Variants in KCNB2 observed in about 807,000 individuals in gnomAD.
KCNB2 encodes delayed rectifier potassium channel protein.
In KCNB2, 15 loss-of-function variants were observed where a neutral mutation model predicts 61.5. The observed-to-expected ratio is 0.24, with a 90% CI of 0.16 to 0.38. The LOEUF (loss-of-function observed/expected upper bound fraction) is 0.38, where lower values mean the gene tolerates loss of function less well. Ranked by LOEUF, KCNB2 falls within the 10% of genes least tolerant of loss-of-function variation. The pLI is 1.00. For missense variants in KCNB2, 828 were observed against 1,125.2 expected (o/e 0.74, Z 3.78); for synonymous variants, 457 against 446.0 (o/e 1.02, Z -0.31).
intron 2 of KCNB2, among the ~76,000 whole-genome samples, chr8:72,776,199 A>C (rs1483277336): frequency 1.4e-5 from 2 of 145,366 alleles, no homozygotes; most frequent in African/African-American, 5.0e-5. Flanking sequence ...GGAATTGAAC[A>C]ATGAGAACAC....
intron 2 of KCNB2, among the ~76,000 whole-genome samples, chr8:72,733,554 A>G (rs1807786265): frequency 1.3e-5 from 2 of 152,214 alleles, no homozygotes; most frequent in Non-Finnish European, 2.9e-5. Flanking sequence ...TCTGTAAAGC[A>G]GGGATTATAA....
chr8:72,647,794 C>G (rs1307629002), intron 2 of KCNB2, among the ~76,000 whole-genome samples: 3 of 152,144 alleles, frequency 2.0e-5, no homozygotes, highest in African/African-American at 4.8e-5. Flanking sequence ...TGTCAATTAT[C>G]TAAGTTAGGA....
intron 2 of KCNB2, among the ~76,000 whole-genome samples, chr8:72,801,122 T>G (rs754028907): frequency 6.6e-6 from 1 of 152,204 alleles, no homozygotes; most frequent in Non-Finnish European, 1.5e-5. Flanking sequence ...TAAACCCCTG[T>G]TAGACCTTGA....
chr8:72,865,399 T>C (rs1805500588), intron 2 of KCNB2, among the ~76,000 whole-genome samples: 2 of 152,132 alleles, frequency 1.3e-5, no homozygotes, highest in African/African-American at 4.8e-5. Flanking sequence ...TTATTGTTCT[T>C]TTCCGTTCTT....
At chr8:72,769,929 T>G (rs1045952212) in intron 2 of KCNB2, among the ~76,000 whole-genome samples, 4 of 152,288 alleles carry the variant, frequency 2.6e-5, no homozygotes, top group Admixed American at 6.5e-5. Flanking sequence ...TTAGGAAATC[T>G]TCCACCCTAA....
intron 2 of KCNB2, among the ~76,000 whole-genome samples, chr8:72,673,877 T>C (rs1172308659): frequency 6.6e-6 from 1 of 152,230 alleles, no homozygotes; most frequent in East Asian, 1.9e-4. Flanking sequence ...GTGATCTTGA[T>C]TTCACAACAA....
intron 2 of KCNB2, among the ~76,000 whole-genome samples, chr8:72,698,294 A>G (rs1807052200): frequency 6.6e-6 from 1 of 152,032 alleles, no homozygotes; most frequent in African/African-American, 2.4e-5. Flanking sequence ...ACAAATACCT[A>G]GGAATACATG....
rs1021364465 is a variant in KCNB2, at chr8:72,670,192, C to T, written c.579+101879C>T. Among the ~76,000 whole-genome samples, 81 of 152,202 alleles carry T rather than the reference C, an allele frequency of 5.3e-4. 1 individual carries two copies. The highest frequency in any genetic ancestry group is 8.3e-4 in the South Asian group (4 of 4,834). ...AGATTCAATTGTGCTCAACCACCCA[C>T]GTGAACAATTCAACCTCATCAAAGG... On this transcript the variant is annotated intron_variant, in intron 2 of 2. Coordinates refer to ENST00000523207, the MANE Select transcript of KCNB2 (RefSeq NM_004770.3).
intron 2 of KCNB2, among the ~76,000 whole-genome samples, chr8:72,706,981 C>A (rs1034630257): frequency 1.3e-5 from 2 of 152,208 alleles, no homozygotes; most frequent in African/African-American, 4.8e-5. Context: ...AGCTCTGGGA[C>A]TTCTTTGTTA....
At chr8:72,848,397 CTTTGT>C (rs1463331535) in intron 2 of KCNB2, among the ~76,000 whole-genome samples, 1 of 151,728 alleles carries the variant, frequency 6.6e-6, no homozygotes, top group Non-Finnish European at 1.5e-5. Flanking sequence ...CTACTTTTTT[CTTTGT>C]TTTGTTTTGT....
intron 2 of KCNB2, among the ~76,000 whole-genome samples, chr8:72,867,164 C>T (rs1026223988): frequency 1.3e-5 from 2 of 151,970 alleles, no homozygotes; most frequent in South Asian, 4.2e-4. Context: ...TTATAACCTT[C>T]TTAATTTTCC....
At chr8:72,608,268 G>A (rs1278007093) in intron 2 of KCNB2, among the ~76,000 whole-genome samples, 1 of 152,136 alleles carries the variant, frequency 6.6e-6, no homozygotes, top group Non-Finnish European at 1.5e-5. Context: ...GGAATAGGGA[G>A]GTGAGAGTGG....
intron 2 of KCNB2, among the ~76,000 whole-genome samples, chr8:72,614,068 C>T (rs144040774): frequency 4.5e-4 from 69 of 152,204 alleles, no homozygotes; most frequent in African/African-American, 1.5e-3. Context: ...GATGAGGAAA[C>T]GTAGCTAGTC....
intron 1 of KCNB2, among the ~76,000 whole-genome samples, chr8:72,546,423 C>T (rs1468737141): frequency 6.6e-6 from 1 of 151,284 alleles, no homozygotes; most frequent in Non-Finnish European, 1.5e-5. Flanking sequence ...GAGGCTGAGG[C>T]AGAGAATTGC....
intron 1 of KCNB2, among the ~76,000 whole-genome samples, chr8:72,548,146 C>T (rs1806288070): frequency 6.6e-6 from 1 of 152,088 alleles, no homozygotes; most frequent in African/African-American, 2.4e-5. Flanking sequence ...ATATAAAATA[C>T]TACAGTATTT....
intron 2 of KCNB2, among the ~76,000 whole-genome samples, chr8:72,637,208 C>T (rs1805980140): frequency 1.3e-5 from 2 of 152,124 alleles, no homozygotes. Flanking sequence ...TGGTTTACTG[C>T]ACTGTGTGGC....
chr8:72,572,971 G>A (rs1313576011), intron 2 of KCNB2, among the ~76,000 whole-genome samples: 1 of 152,122 alleles, frequency 6.6e-6, no homozygotes, highest in Non-Finnish European at 1.5e-5. Flanking sequence ...GCCATCCTTG[G>A]ATCAAGTCGG....
intron 2 of KCNB2, among the ~76,000 whole-genome samples, chr8:72,928,268 C>G (rs1484596597): frequency 6.6e-6 from 1 of 150,624 alleles, no homozygotes; most frequent in East Asian, 1.9e-4. Context: ...TCTCGGCTCA[C>G]TGCAATCTCC....
At chr8:72,934,690 G>A (rs1434439695) in intron 2 of KCNB2, among the ~76,000 whole-genome samples, 2 of 152,008 alleles carry the variant, frequency 1.3e-5, no homozygotes, top group Non-Finnish European at 2.9e-5. Context: ...TGAAACCAAT[G>A]ACACCTCCCA....
Sources: gnomAD v4.1 joint callset for allele counts (sites outside exome capture counted in the v4.1 genomes callset) on GRCh38, gnomAD v4.1.1 for gene constraint, MANE v1.5 for transcripts, NCBI Gene and HGNC (gene_info 2026-07-23, HGNC 2026-07-21) for gene names.